Variants in FBXL20 observed in about 807,000 individuals in gnomAD.
The protein encoded by FBXL20 is F-box and leucine rich repeat protein 20.
A neutral mutation model predicts 64.0 loss-of-function variants in FBXL20; 11 were observed. The ratio of observed to expected loss-of-function variants is 0.17; its 90% CI spans 0.11 to 0.28. The LOEUF (loss-of-function observed/expected upper bound fraction) is 0.28. FBXL20 is among the 10% of genes least tolerant of loss of function. FBXL20 has a pLI of 1.00. For synonymous variants in FBXL20, 184 were observed against 189.0 expected (o/e 0.97, Z 0.22); for missense variants, 303 against 526.2 (o/e 0.58, Z 4.15).
intron 2 of FBXL20, among the ~76,000 whole-genome samples, chr17:39,319,673 C>CA (rs71300077): frequency 0.22 from 10,393 of 47,188 alleles, 1,326 homozygotes; most frequent in East Asian, 0.28. Flanking sequence ...GACTCCATAT[C>CA]AAAAAAAAAA....
chr17:39,341,356 T>C (rs941644765), intron 2 of FBXL20, among the ~76,000 whole-genome samples: 3 of 152,186 alleles, frequency 2.0e-5, no homozygotes, highest in Non-Finnish European at 4.4e-5. Context: ...ATATAACACA[T>C]ATAAATCCAA....
At chr17:39,372,433 C>T (rs2047926830) in intron 1 of FBXL20, among the ~76,000 whole-genome samples, 1 of 140,644 alleles carries the variant, frequency 7.1e-6, no homozygotes, top group Admixed American at 7.5e-5. Context: ...GCAGGAGAAT[C>T]GCTTGAACCT....
intron 6 of FBXL20, among the ~76,000 whole-genome samples, chr17:39,296,071 A>G (rs1006013076): frequency 2.6e-5 from 4 of 152,128 alleles, no homozygotes; most frequent in African/African-American, 9.7e-5. Flanking sequence ...AAAAGTGTTA[A>G]TTACATGTCA....
chr17:39,382,767 G>A (rs540047284), intron 1 of FBXL20, among the ~76,000 whole-genome samples: 2 of 152,168 alleles, frequency 1.3e-5, no homozygotes, highest in East Asian at 3.9e-4. Flanking sequence ...TAGAGCTCAG[G>A]AGTTGCAGGC....
chr17:39,350,248 T>C (rs2047674755), intron 1 of FBXL20, among the ~76,000 whole-genome samples: 2 of 152,252 alleles, frequency 1.3e-5, no homozygotes, highest in Admixed American at 1.3e-4. Context: ...CCTGTAACTT[T>C]GGGAGGCCAA....
At chr17:39,276,881 G>A (rs771165811) in intron 9 of FBXL20, among the ~76,000 whole-genome samples, 3 of 152,152 alleles carry the variant, frequency 2.0e-5, no homozygotes, top group Non-Finnish European at 4.4e-5. Flanking sequence ...TAGCCCAGGA[G>A]TTCAAGGTTA....
intron 13 of FBXL20, 72 bp downstream of exon 13, chr17:39,265,324 TG>T: frequency 8.5e-7 from 1 of 1,182,218 alleles, no homozygotes; most frequent in Non-Finnish European, 1.2e-6. Context: ...CACTAAGAGC[TG>T]GGTTCTTGAA....
chr17:39,402,119 T>C, upstream of FBXL20: 1 of 1,226,784 alleles, frequency 8.2e-7, no homozygotes, highest in Non-Finnish European at 1.0e-6. Flanking sequence ...CCCAGGATCC[T>C]GTAAGGCACC....
rs1368296694 is a variant in FBXL20 at position 39,301,037 on chromosome 17, C to T, written c.198G>A (p.Gln66=). The change falls in exon 4 of 15, where the codon CAG becomes CAA. Residue 66 remains glutamine (Q), a synonymous_variant. Coordinates refer to ENST00000264658, the MANE Select transcript of FBXL20 (RefSeq NM_032875.3). The part of the protein sequence containing the change: ...NVLALDGSNW[Q]RIDLFDFQRD... Reference sequence around the variant, plus strand: ...TCTGGAAATCAAATAGGTCAATTCGCTGCCAGTTACTGCCATCCAGAGCCA... The same window carrying T: ...TCTGGAAATCAAATAGGTCAATTCGTTGCCAGTTACTGCCATCCAGAGCCA... 6 of 1,613,966 alleles carry T rather than the reference C, an allele frequency of 3.7e-6. No individual in the cohort carries two copies. The highest frequency in any genetic ancestry group is 5.1e-6 in the Non-Finnish European group (6 of 1,180,004).
chr17:39,294,843 C>G (rs1458184886), intron 6 of FBXL20, among the ~76,000 whole-genome samples: 2 of 152,086 alleles, frequency 1.3e-5, no homozygotes, highest in Non-Finnish European at 2.9e-5. Flanking sequence ...GAAACCCTGT[C>G]TCTACTAAAA....
chr17:39,301,418 C>T (rs997257161), intron 3 of FBXL20, among the ~76,000 whole-genome samples: 2 of 152,002 alleles, frequency 1.3e-5, no homozygotes, highest in African/African-American at 4.8e-5. Flanking sequence ...TAGCCAGACC[C>T]GATCCCTATA....
At chr17:39,342,105 A>AC (rs1349502865) in intron 2 of FBXL20, among the ~76,000 whole-genome samples, 21 of 152,250 alleles carry the variant, frequency 1.4e-4, no homozygotes, top group African/African-American at 4.6e-4. Flanking sequence ...TTTATGTTAT[A>AC]CCCCTGTCTG....
At chr17:39,293,947 C>T (rs2047062715) in intron 6 of FBXL20, among the ~76,000 whole-genome samples, 1 of 151,788 alleles carries the variant, frequency 6.6e-6, no homozygotes, top group Non-Finnish European at 1.5e-5. Flanking sequence ...TGCTTGGGCT[C>T]CCCCTCCCTC....
chr17:39,318,505 C>G (rs2047318474), intron 2 of FBXL20, among the ~76,000 whole-genome samples: 1 of 151,732 alleles, frequency 6.6e-6, no homozygotes, highest in Admixed American at 6.6e-5. Context: ...CTTTGGGAGG[C>G]CAAGGCAGGC....
chr17:39,278,131 T>C (rs1010736690), intron 9 of FBXL20, among the ~76,000 whole-genome samples: 1 of 152,220 alleles, frequency 6.6e-6, no homozygotes, highest in Non-Finnish European at 1.5e-5. Flanking sequence ...TATGTGCTTA[T>C]ACATACAAAC....
chr17:39,327,937 A>G (rs139188816), intron 2 of FBXL20, among the ~76,000 whole-genome samples: 4 of 152,238 alleles, frequency 2.6e-5, no homozygotes, highest in African/African-American at 9.6e-5. Context: ...AGCAATGAGC[A>G]TATCTAGAAT....
intron 1 of FBXL20, among the ~76,000 whole-genome samples, chr17:39,364,420 G>A (rs1037462654): frequency 2.0e-5 from 3 of 152,054 alleles, no homozygotes; most frequent in Non-Finnish European, 2.9e-5. Context: ...TGAGACCTGG[G>A]CAACATGGCA....
chr17:39,322,963 C>A (rs1360098399), intron 2 of FBXL20, among the ~76,000 whole-genome samples: 2 of 144,302 alleles, frequency 1.4e-5, no homozygotes, highest in Non-Finnish European at 3.0e-5. Context: ...AGCCACCACG[C>A]CCAGCTAATT....
intron 6 of FBXL20, among the ~76,000 whole-genome samples, chr17:39,286,406 GGTTTTGCCAT>G (rs1432469335): frequency 2.6e-5 from 4 of 151,954 alleles, no homozygotes; most frequent in African/African-American, 9.7e-5. Context: ...GTAGAGATGG[GGTTTTGCCAT>G]GTTAGCCAGG....
Sources: gnomAD v4.1 joint callset for allele counts (sites outside exome capture counted in the v4.1 genomes callset) on GRCh38, gnomAD v4.1.1 for gene constraint, MANE v1.5 for transcripts, NCBI Gene and HGNC (gene_info 2026-07-23, HGNC 2026-07-21) for gene names.